Variants in SDK1 observed in about 807,000 individuals in gnomAD.
SDK1 encodes protein sidekick-1.
SDK1 carries 157 observed loss-of-function variants against 245.5 expected under a neutral mutation model. The ratio of observed to expected loss-of-function variants is 0.64; its 90% CI spans 0.56 to 0.73. SDK1 has a LOEUF of 0.73. SDK1 is among the 30% of genes least tolerant of loss of function. The probability of loss-of-function intolerance (pLI) is 0.00; values close to 1 mark genes in which losing one functional copy is unlikely to be tolerated. For synonymous variants in SDK1, 1,647 were observed against 1,278.5 expected, an observed-to-expected ratio of 1.29 and a Z score of -6.15; for missense variants, 3,583 against 3,002.3, an observed-to-expected ratio of 1.19 and a Z score of -4.52.
chr7:3,591,487 G>C (rs1026679976), intron 1 of SDK1, among the ~76,000 whole-genome samples: 4 of 152,258 alleles, frequency 2.6e-5, no homozygotes, highest in Non-Finnish European at 5.9e-5. Context: ...GCCACGTTGT[G>C]AAAGTCATAA....
intron 17 of SDK1, among the ~76,000 whole-genome samples, chr7:4,033,923 G>C (rs1473156505): frequency 6.6e-6 from 1 of 152,090 alleles, no homozygotes; most frequent in Admixed American, 6.5e-5. Flanking sequence ...ATGAGGAACA[G>C]GATAGACTCC....
intron 1 of SDK1, among the ~76,000 whole-genome samples, chr7:3,356,687 C>T (rs969465443): frequency 3.9e-5 from 6 of 152,022 alleles, no homozygotes; most frequent in Admixed American, 2.0e-4. Context: ...TTTGCAAACC[C>T]AATTTTATTC....
chr7:4,097,525 A>T (rs543261500), intron 22 of SDK1, among the ~76,000 whole-genome samples: 1 of 152,260 alleles, frequency 6.6e-6, no homozygotes, highest in South Asian at 2.1e-4. Flanking sequence ...CCCCAGACAG[A>T]TATATTGGGC....
intron 38 of SDK1, among the ~76,000 whole-genome samples, chr7:4,212,878 G>T (rs1332125484): frequency 6.6e-6 from 1 of 152,162 alleles, no homozygotes; most frequent in Non-Finnish European, 1.5e-5. Flanking sequence ...TCAAGTAAGT[G>T]ACTGGTTCTG....
rs1484616857 is a variant in SDK1 at position 4,193,916 on chromosome 7, A to AT, written c.5099-11963_5099-11962insT. Among the ~76,000 whole-genome samples, 3 of 152,174 alleles carry AT rather than the reference A, an allele frequency of 2.0e-5. No homozygotes were observed. In the East Asian group the frequency reaches 5.8e-4, roughly 29 times the overall value. ...CAGAGGTATTATGTATAGAGTCCCT[A>AT]AACTCCTTGCCTCTCACGAGCGGTG... On this transcript the variant is annotated intron_variant, in intron 35 of 44. Coordinates refer to ENST00000404826, the MANE Select transcript of SDK1 (RefSeq NM_152744.4).
intron 1 of SDK1, among the ~76,000 whole-genome samples, chr7:3,431,284 A>G (rs1779837282): frequency 6.6e-6 from 1 of 151,556 alleles, no homozygotes; most frequent in Non-Finnish European, 1.5e-5. Context: ...AAGTACCCCC[A>G]GATCATAAAG....
At chr7:4,162,879 G>A (rs1338984156) in intron 32 of SDK1, among the ~76,000 whole-genome samples, 2 of 152,192 alleles carry the variant, frequency 1.3e-5, no homozygotes, top group Non-Finnish European at 2.9e-5. Flanking sequence ...GTACATTGAT[G>A]ACAAATATAA....
chr7:3,365,660 T>G (rs1237156161), intron 1 of SDK1, among the ~76,000 whole-genome samples: 1 of 152,220 alleles, frequency 6.6e-6, no homozygotes, highest in Non-Finnish European at 1.5e-5. Context: ...CCTTGCAGGT[T>G]TTTTTGAAGG....
At chr7:3,894,639 A>G (rs957032442) in intron 5 of SDK1, among the ~76,000 whole-genome samples, 2 of 151,746 alleles carry the variant, frequency 1.3e-5, no homozygotes, top group African/African-American at 4.8e-5. Flanking sequence ...CAGAAGATAC[A>G]TGTGCTTCAC....
chr7:3,779,858 G>C (rs1281092772), intron 4 of SDK1, among the ~76,000 whole-genome samples: 1 of 151,482 alleles, frequency 6.6e-6, no homozygotes, highest in East Asian at 1.9e-4. Context: ...CGTGAACCCG[G>C]GAAGCGGAGC....
chr7:3,768,906 C>A (rs183161965), intron 4 of SDK1, among the ~76,000 whole-genome samples: 29 of 152,248 alleles, frequency 1.9e-4, no homozygotes, highest in Non-Finnish European at 3.2e-4. Context: ...GAACACAGAA[C>A]AAAATGAAAC....
chr7:4,131,459 A>T (rs1288660845), intron 27 of SDK1, among the ~76,000 whole-genome samples: 2 of 152,224 alleles, frequency 1.3e-5, no homozygotes, highest in African/African-American at 2.4e-5. Flanking sequence ...CATAACACAC[A>T]TTCAGAATTT....
intron 25 of SDK1, among the ~76,000 whole-genome samples, chr7:4,123,190 A>G (rs1042439258): frequency 2.0e-5 from 3 of 152,220 alleles, no homozygotes; most frequent in African/African-American, 7.2e-5. Flanking sequence ...GAAGTAGACC[A>G]TTTGTGTTGC....
chr7:4,145,980 C>A (rs1779946708), intron 29 of SDK1, 64 bp downstream of exon 29: 1 of 1,427,800 alleles, frequency 7.0e-7, no homozygotes, highest in Non-Finnish European at 9.5e-7. Flanking sequence ...CAATCAGGCC[C>A]TCTGGGGTCT....
intron 1 of SDK1, among the ~76,000 whole-genome samples, chr7:3,483,847 A>C (rs1781593425): frequency 1.3e-5 from 2 of 152,166 alleles, no homozygotes; most frequent in South Asian, 4.1e-4. Flanking sequence ...CCTCTTTATC[A>C]TTAAAATGTT....
At chr7:3,637,243 G>A (rs904354347) in intron 2 of SDK1, among the ~76,000 whole-genome samples, 3 of 151,972 alleles carry the variant, frequency 2.0e-5, no homozygotes, top group African/African-American at 4.8e-5. Flanking sequence ...GATTACAGGC[G>A]TGTGCCACCA....
At chr7:3,890,112 C>G (rs1450331672) in intron 5 of SDK1, among the ~76,000 whole-genome samples, 1 of 152,142 alleles carries the variant, frequency 6.6e-6, no homozygotes, top group Non-Finnish European at 1.5e-5. Context: ...CAGACATGGC[C>G]CTAGCTCAGA....
chr7:3,781,517 T>G (rs183637162), intron 4 of SDK1, among the ~76,000 whole-genome samples: 1 of 152,222 alleles, frequency 6.6e-6, no homozygotes, highest in African/African-American at 2.4e-5. Context: ...TTACAATGAC[T>G]CAAGGGAATC....
intron 1 of SDK1, among the ~76,000 whole-genome samples, chr7:3,360,749 C>G (rs556319494): frequency 3.2e-4 from 48 of 152,228 alleles, no homozygotes; most frequent in African/African-American, 1.1e-3. Context: ...TTTATTCTGT[C>G]AGTCTGACTG....
Sources: allele counts gnomAD v4.1 joint callset (sites outside exome capture counted in the v4.1 genomes callset), GRCh38; gene constraint gnomAD v4.1.1; transcripts MANE v1.5; gene names NCBI Gene and HGNC (gene_info 2026-07-23, HGNC 2026-07-21).